The following AXDND1 variants were observed in gnomAD, a reference collection of about 807,000 sequenced individuals.
AXDND1 encodes the protein axonemal dynein light chain domain-containing protein 1.
AXDND1 carries 110 observed loss-of-function variants against 137.5 expected under a neutral mutation model. The ratio of observed to expected loss-of-function variants is 0.80; its 90% CI spans 0.69 to 0.94. AXDND1 has a LOEUF of 0.94. Ranked by LOEUF, AXDND1 falls within the 40% of genes least tolerant of loss-of-function variation. The pLI is 0.00. For synonymous variants in AXDND1, 414 were observed against 399.7 expected (o/e 1.04, Z -0.43); for missense variants, 1,191 against 1,169.8 (o/e 1.02, Z -0.26).
At chr1:179,457,231 C>T in intron 16 of AXDND1, 1 of 721,108 alleles carries the variant, frequency 1.4e-6, no homozygotes, top group Non-Finnish European at 2.5e-6. Context: ...CCTCATTGCT[C>T]AAAATGGCTT....
Position 179,410,323 on chromosome 1 carries a change from C to A in AXDND1, c.1110-823C>A, listed in dbSNP as rs184762141. ...TCGGCTCACTGCAACCTCTGCCCCC[C>A]AGGTTCAAGCAATTCTCCTGCCTCA... On this transcript the variant is annotated intron_variant, in intron 11 of 25. Coordinates refer to ENST00000367618, the MANE Select transcript of AXDND1 (RefSeq NM_144696.6). Among the ~76,000 whole-genome samples, 18 of 152,276 alleles carry A rather than the reference C, an allele frequency of 1.2e-4. No homozygotes were observed. In the East Asian group the frequency reaches 3.1e-3, roughly 26 times the overall value.
At chr1:179,478,782 T>G (rs1331746378) in intron 17 of AXDND1, among the ~76,000 whole-genome samples, 1 of 152,252 alleles carries the variant, frequency 6.6e-6, no homozygotes, top group East Asian at 1.9e-4. Context: ...TTTTCTGAAC[T>G]TTTATGCTCT....
intron 16 of AXDND1, among the ~76,000 whole-genome samples, chr1:179,462,675 C>A (rs1345571487): frequency 3.3e-5 from 5 of 152,092 alleles, no homozygotes; most frequent in Non-Finnish European, 7.4e-5. Flanking sequence ...CTGTCTGGTC[C>A]TGGTTGGTAA....
intron 20 of AXDND1, chr1:179,506,875 T>C: frequency 1.0e-6 from 1 of 985,484 alleles, no homozygotes; most frequent in Non-Finnish European, 1.2e-6. Flanking sequence ...CCAAAAGGAC[T>C]ATGACTGAAG....
Position 179,542,695 on chromosome 1 carries a change from T to A in AXDND1, c.3031+7733T>A, listed in dbSNP as rs987376254. Among the ~76,000 whole-genome samples, 9 of 152,352 alleles carry A rather than the reference T, an allele frequency of 5.9e-5. No homozygotes were observed. The East Asian group carries it at 1.7e-3, about 29-fold the overall frequency. ...GTTACCTCAATATGGAATGTGGGACTTTAGTTTTGTCCATTCCCACGAAAG... is the reference window on the plus strand; with the variant it reads ...GTTACCTCAATATGGAATGTGGGACATTAGTTTTGTCCATTCCCACGAAAG... On this transcript the variant is annotated intron_variant, in intron 25 of 25. Transcript: ENST00000367618.
At chr1:179,446,154 C>CT (rs1659700908) in intron 16 of AXDND1, among the ~76,000 whole-genome samples, 1 of 152,106 alleles carries the variant, frequency 6.6e-6, no homozygotes, top group Non-Finnish European at 1.5e-5. Flanking sequence ...GAAATGTCTG[C>CT]TCAGGTACTT....
At chr1:179,489,785 G>T (rs1368212051) in intron 18 of AXDND1, among the ~76,000 whole-genome samples, 1 of 126,416 alleles carries the variant, frequency 7.9e-6, no homozygotes, top group African/African-American at 3.2e-5. Context: ...TCGCTCTGTC[G>T]CCCAGGCTGG....
intron 18 of AXDND1, among the ~76,000 whole-genome samples, chr1:179,489,910 A>C (rs1666679781): frequency 1.3e-5 from 2 of 151,820 alleles, no homozygotes; most frequent in East Asian, 1.9e-4. Context: ...CCGCCCGACT[A>C]ATTTTTTGTA....
intron 9 of AXDND1, 92 bp downstream of exon 9, chr1:179,385,451 A>G: frequency 7.0e-7 from 1 of 1,430,460 alleles, no homozygotes; most frequent in South Asian, 1.2e-5. Flanking sequence ...ACAAAAGTGC[A>G]CTTCTCTATT....
chr1:179,478,113 G>C (rs1572007743), intron 17 of AXDND1, among the ~76,000 whole-genome samples: 1 of 152,160 alleles, frequency 6.6e-6, no homozygotes, highest in Non-Finnish European at 1.5e-5. Context: ...CTCCCTCCTG[G>C]CTGCTTTCAT....
chr1:179,457,367 T>C, intron 16 of AXDND1: 3 of 470,988 alleles, frequency 6.4e-6, no homozygotes, highest in Non-Finnish European at 1.1e-5. Flanking sequence ...TAATGATGCT[T>C]CTTCGGCGGC....
intron 16 of AXDND1, among the ~76,000 whole-genome samples, chr1:179,457,990 C>CTTTT (rs34295838): frequency 4.7e-4 from 68 of 145,602 alleles, no homozygotes; most frequent in East Asian, 1.8e-3. Context: ...CTTTCCTTCT[C>CTTTT]TTTTTTTTTT....
intron 16 of AXDND1, among the ~76,000 whole-genome samples, chr1:179,462,474 C>T (rs186173140): frequency 4.8e-5 from 7 of 146,118 alleles, no homozygotes; most frequent in East Asian, 2.2e-4. Flanking sequence ...ATTTTTGCAT[C>T]GATGTTATCA....
intron 25 of AXDND1, chr1:179,548,598 T>C (rs1672861263): frequency 6.6e-6 from 1 of 152,196 alleles, no homozygotes; most frequent in Non-Finnish European, 1.5e-5. Flanking sequence ...GCCAGAATTA[T>C]TGGAACCTCA....
chr1:179,413,818 A>G (rs1345355442), intron 12 of AXDND1, among the ~76,000 whole-genome samples: 1 of 152,198 alleles, frequency 6.6e-6, no homozygotes, highest in East Asian at 1.9e-4. Flanking sequence ...AGAAATCTCC[A>G]TACTGTTTTC....
chr1:179,543,618 A>G (rs1057301375), intron 25 of AXDND1: 1 of 151,490 alleles, frequency 6.6e-6, no homozygotes, highest in Non-Finnish European at 1.5e-5. Context: ...GACTGTTTCC[A>G]TTTGAATTTT....
Position 179,393,912 on chromosome 1 carries a change from T to C in AXDND1, c.873T>C (p.Tyr291=), listed in dbSNP as rs572617913. 3.7e-6 allele frequency: 6 copies of C among 1,601,556 alleles called. No individual in the cohort carries two copies. Among genetic ancestry groups the C allele is most frequent in the Admixed American group, 3.5e-5 (2 of 56,578 alleles). ...GELLSKVRER[Y]VQMLDQIARQ... ...GTTGTTTGTCATGCAGAGAGAGGTA[T>C]GTGCAAATGCTTGACCAGATTGCTC... Residue 291 remains tyrosine (Y), a synonymous_variant, in exon 10 of 26, where the codon TAT becomes TAC. Transcript: ENST00000367618.
chr1:179,498,703 A>C (rs116771836), intron 20 of AXDND1, among the ~76,000 whole-genome samples: 2,761 of 152,262 alleles, frequency 0.018, 96 homozygotes, highest in African/African-American at 0.062. Context: ...AATATCTAGA[A>C]TCTATAGGGA....
At chr1:179,542,770 G>A (rs1291349516) in intron 25 of AXDND1, among the ~76,000 whole-genome samples, 2 of 152,150 alleles carry the variant, frequency 1.3e-5, no homozygotes, top group African/African-American at 4.8e-5. Flanking sequence ...ATTATTTAAG[G>A]TAGAGAATAG....
Sources: allele counts gnomAD v4.1 joint callset (sites outside exome capture counted in the v4.1 genomes callset), GRCh38; gene constraint gnomAD v4.1.1; transcripts MANE v1.5; gene names NCBI Gene and HGNC (gene_info 2026-07-23, HGNC 2026-07-21).